TRABD2B: variants seen among roughly 807,000 people sequenced by gnomAD.
TRABD2B encodes metalloprotease TIKI2.
In TRABD2B, 14 loss-of-function variants were observed where a neutral mutation model predicts 40.1. The observed-to-expected ratio is 0.35, with a 90% CI of 0.23 to 0.55. TRABD2B has a LOEUF of 0.55. Ranked by LOEUF, TRABD2B falls within the 20% of genes least tolerant of loss-of-function variation. The pLI, the probability that TRABD2B is intolerant of heterozygous loss-of-function variation, is 0.90. For missense variants in TRABD2B, 541 were observed against 648.6 expected, an observed-to-expected ratio of 0.83 and a Z score of 1.80; for synonymous variants, 263 against 277.0, an observed-to-expected ratio of 0.95 and a Z score of 0.50.
At chr1:47,917,931 C>T (rs1007140937) in intron 2 of TRABD2B, among the ~76,000 whole-genome samples, 2 of 152,314 alleles carry the variant, frequency 1.3e-5, no homozygotes, top group Non-Finnish European at 2.9e-5. Flanking sequence ...GTGCTCTTTC[C>T]CATTACAAAG....
chr1:47,824,430 C>T (rs960487534), intron 2 of TRABD2B, among the ~76,000 whole-genome samples: 3 of 152,222 alleles, frequency 2.0e-5, no homozygotes, highest in Admixed American at 2.0e-4. Flanking sequence ...TGCCCTTCAT[C>T]CCATGCTGTA....
At chr1:47,901,721 A>G (rs1200799069) in intron 2 of TRABD2B, among the ~76,000 whole-genome samples, 1 of 152,244 alleles carries the variant, frequency 6.6e-6, no homozygotes, top group Non-Finnish European at 1.5e-5. Context: ...AGAGTGGTTC[A>G]GGCTAACGGA....
intron 6 of TRABD2B, among the ~76,000 whole-genome samples, chr1:47,767,587 G>C (rs369653603): frequency 5.7e-4 from 87 of 152,348 alleles, no homozygotes; most frequent in African/African-American, 1.9e-3. Flanking sequence ...CGGTTAAGTG[G>C]CTTTCCTCCA....
chr1:47,819,827 C>T (rs1208833075), intron 2 of TRABD2B: 1 of 152,164 alleles, frequency 6.6e-6, no homozygotes, highest in Non-Finnish European at 1.5e-5. Flanking sequence ...AGAGTGGAAT[C>T]CGATACAGTT....
chr1:47,805,653 C>T (rs1253046117), intron 2 of TRABD2B, among the ~76,000 whole-genome samples: 1 of 152,154 alleles, frequency 6.6e-6, no homozygotes, highest in Non-Finnish European at 1.5e-5. Flanking sequence ...ACCTCCTGCC[C>T]CGTACCATCA....
intron 2 of TRABD2B, among the ~76,000 whole-genome samples, chr1:47,961,416 T>A (rs1645513569): frequency 6.6e-6 from 1 of 151,960 alleles, no homozygotes; most frequent in South Asian, 2.1e-4. Context: ...ACCACCAGAG[T>A]GAACAGGCAA....
Position 47,997,191 on chromosome 1 carries a change from G to A in TRABD2B, c.-402C>T. The stretch of plus-strand genomic sequence containing the variant: ...GGGTTATGCTGGGCACCCGGGGCAC[G>A]CAAGGGTCCCAGGGGTGCGCGGCGC... On this transcript the variant is annotated 5_prime_UTR_variant, in exon 1 of 7. Coordinates refer to ENST00000606738, the MANE Select transcript of TRABD2B (RefSeq NM_001194986.2). 1 of 983,378 alleles carries A rather than the reference G, an allele frequency of 1.0e-6. No homozygotes were observed. The allele number at this position is 983,378 out of a possible 1,614,324, so 60.9% of individuals were successfully genotyped here.
Position 47,848,834 on chromosome 1 carries a change from C to T in TRABD2B, c.667-47215G>A, listed in dbSNP as rs983224275. On this transcript the variant is annotated intron_variant, in intron 2 of 6. Transcript: ENST00000606738. ...ATGGTTCTAATCCTTGACCATGTGT[C>T]CCCAGGAGAAAAGAAAAGGGAGAGT... Among the ~76,000 whole-genome samples the T allele has an allele frequency of 3.3e-5, 5 of 152,176 alleles. No homozygotes were observed. The East Asian group carries it at 7.7e-4, about 23-fold the overall frequency.
intron 2 of TRABD2B, among the ~76,000 whole-genome samples, chr1:47,867,252 T>G (rs1231976185): frequency 2.0e-5 from 3 of 152,160 alleles, no homozygotes; most frequent in Non-Finnish European, 2.9e-5. Flanking sequence ...CTATATCTTT[T>G]TCTACAAAGT....
chr1:47,879,780 G>A (rs1644276089), intron 2 of TRABD2B, among the ~76,000 whole-genome samples: 1 of 152,238 alleles, frequency 6.6e-6, no homozygotes, highest in Admixed American at 6.5e-5. Flanking sequence ...GGCCAAGAAG[G>A]GCCAGAAGTG....
chr1:47,939,674 C>G (rs1052723689), intron 2 of TRABD2B, among the ~76,000 whole-genome samples: 7 of 152,182 alleles, frequency 4.6e-5, no homozygotes, highest in Non-Finnish European at 8.8e-5. Context: ...TGATACTAAC[C>G]ACAAGACTAT....
At chr1:47,806,944 C>T (rs1238508022) in intron 2 of TRABD2B, among the ~76,000 whole-genome samples, 2 of 152,092 alleles carry the variant, frequency 1.3e-5, no homozygotes, top group Non-Finnish European at 2.9e-5. Flanking sequence ...AACTCAAAGC[C>T]CAAGGGAATC....
intron 2 of TRABD2B, among the ~76,000 whole-genome samples, chr1:47,829,305 T>C (rs1352099465): frequency 1.3e-5 from 2 of 152,070 alleles, no homozygotes; most frequent in African/African-American, 4.8e-5. Context: ...GGGCTTCACT[T>C]ACCCCCACTC....
intron 2 of TRABD2B, among the ~76,000 whole-genome samples, chr1:47,892,038 T>C (rs751976628): frequency 6.6e-6 from 1 of 152,230 alleles, no homozygotes; most frequent in East Asian, 1.9e-4. Context: ...AATTAATGTT[T>C]TGAAGGATGG....
intron 2 of TRABD2B, among the ~76,000 whole-genome samples, chr1:47,885,300 C>T (rs1373366944): frequency 6.6e-6 from 1 of 152,212 alleles, no homozygotes; most frequent in East Asian, 1.9e-4. Flanking sequence ...AGGAAGCCCT[C>T]GCTGACTCCC....
intron 2 of TRABD2B, among the ~76,000 whole-genome samples, chr1:47,972,781 C>T (rs1248468939): frequency 6.6e-6 from 1 of 152,156 alleles, no homozygotes; most frequent in Non-Finnish European, 1.5e-5. Context: ...AATCCTTTCT[C>T]TCGCTAATTC....
At chr1:47,980,074 G>A (rs1233753786) in intron 2 of TRABD2B, among the ~76,000 whole-genome samples, 1 of 152,130 alleles carries the variant, frequency 6.6e-6, no homozygotes, top group Admixed American at 6.5e-5. Flanking sequence ...TTCTTAATAT[G>A]GTCCTAAGGC....
intron 2 of TRABD2B, among the ~76,000 whole-genome samples, chr1:47,851,004 A>G (rs1439868435): frequency 2.0e-5 from 3 of 152,042 alleles, no homozygotes; most frequent in African/African-American, 7.3e-5. Flanking sequence ...ATCTGACAGG[A>G]GGCGGAGCTC....
chr1:47,823,081 G>C (rs151245930), intron 2 of TRABD2B, among the ~76,000 whole-genome samples: 1 of 152,258 alleles, frequency 6.6e-6, no homozygotes, highest in Non-Finnish European at 1.5e-5. Flanking sequence ...GAGAGATGGG[G>C]CCGGCCTGGC....
Sources: gnomAD v4.1 joint callset for allele counts (sites outside exome capture counted in the v4.1 genomes callset) on GRCh38, gnomAD v4.1.1 for gene constraint, MANE v1.5 for transcripts, NCBI Gene and HGNC (gene_info 2026-07-23, HGNC 2026-07-21) for gene names.